The following SOX6 variants were observed in gnomAD, a reference collection of about 807,000 sequenced individuals.
SOX6 encodes SRY-box transcription factor 6.
A neutral mutation model predicts 97.8 loss-of-function variants in SOX6; 11 were observed. That is an observed-to-expected ratio of 0.11 (90% CI 0.07 to 0.19). The LOEUF (loss-of-function observed/expected upper bound fraction) is 0.19, where lower values mean the gene tolerates loss of function less well. Among genes scored for constraint, SOX6 ranks in the 10% least tolerant of loss-of-function variants. The probability of loss-of-function intolerance (pLI) is 1.00; values close to 1 mark genes in which losing one functional copy is unlikely to be tolerated. For synonymous variants in SOX6, 360 were observed against 371.4 expected, an observed-to-expected ratio of 0.97 and a Z score of 0.35; for missense variants, 810 against 1,039.5, an observed-to-expected ratio of 0.78 and a Z score of 3.04.
At chr11:16,687,040 A>G (rs1354699960) in intron 3 of SOX6, among the ~76,000 whole-genome samples, 1 of 152,082 alleles carries the variant, frequency 6.6e-6, no homozygotes, top group Non-Finnish European at 1.5e-5. Flanking sequence ...CACAAGAATC[A>G]CTTGAACGTG....
intron 2 of SOX6, among the ~76,000 whole-genome samples, chr11:16,337,363 A>G (rs1002210976): frequency 2.0e-5 from 3 of 152,170 alleles, no homozygotes; most frequent in East Asian, 1.9e-4. Context: ...TACAGTTACA[A>G]TCTAGCAGAT....
Position 16,680,820 on chromosome 11 carries a change from T to C in SOX6, n.429+34010A>G, listed in dbSNP as rs181731372. 7.7e-3 allele frequency among the ~76,000 whole-genome samples: 1,171 copies of C among 152,294 alleles called. 14 individuals are homozygous for C. Among genetic ancestry groups the C allele is most frequent in the African/African-American group, 0.027 (1,118 of 41,556 alleles). ...CAGGGGCTGCAATCCTAGTCTCTGATAAAACAGACTTTAAACCAACAAAGA... is the reference window on the plus strand; with the variant it reads ...CAGGGGCTGCAATCCTAGTCTCTGACAAAACAGACTTTAAACCAACAAAGA... On this transcript the variant is annotated intron_variant and non_coding_transcript_variant, in intron 3 of 5. Transcript: ENST00000524520.
At chr11:16,658,862 T>C (rs1006641260) in intron 3 of SOX6, among the ~76,000 whole-genome samples, 3 of 152,236 alleles carry the variant, frequency 2.0e-5, no homozygotes, top group African/African-American at 4.8e-5. Flanking sequence ...ATTAAGAGTA[T>C]ATAAGTAGTT....
intron 13 of SOX6, among the ~76,000 whole-genome samples, chr11:16,004,207 T>C (rs1399285415): frequency 1.3e-5 from 2 of 152,018 alleles, no homozygotes; most frequent in Non-Finnish European, 2.9e-5. Flanking sequence ...ATACTCCTCA[T>C]TCCAAATGAG....
Position 16,231,844 on chromosome 11 carries a change from T to C in SOX6, c.535+2738A>G, listed in dbSNP as rs919377446. The stretch of plus-strand genomic sequence containing the variant: ...GATAACTCAATCTCAGGAAAATTCA[T>C]AATATATCATTAAGTGGGGAAAATA... On this transcript the variant is annotated intron_variant, in intron 4 of 15. Transcript: ENST00000683767. Among the ~76,000 whole-genome samples, 6 of 151,792 alleles carry C rather than the reference T, an allele frequency of 4.0e-5. No homozygotes were observed. In the East Asian group the frequency reaches 1.2e-3, roughly 29 times the overall value.
intron 6 of SOX6, among the ~76,000 whole-genome samples, chr11:16,133,449 T>C (rs1344540963): frequency 1.3e-5 from 2 of 152,188 alleles, no homozygotes; most frequent in African/African-American, 4.8e-5. Context: ...TATGCTATCC[T>C]ATAAAGATTT....
chr11:16,322,460 G>A (rs1051147010), intron 2 of SOX6, among the ~76,000 whole-genome samples: 8 of 152,122 alleles, frequency 5.3e-5, no homozygotes, highest in Admixed American at 3.9e-4. Flanking sequence ...GCAGAACCAT[G>A]AGCTATTAAA....
intron 4 of SOX6, among the ~76,000 whole-genome samples, chr11:16,489,769 C>G (rs1438566699): frequency 6.6e-6 from 1 of 151,988 alleles, no homozygotes; most frequent in Admixed American, 6.6e-5. Context: ...TTTTAACTTT[C>G]TTAACTTTTT....
At chr11:16,015,242 G>T in intron 12 of SOX6, 192 bp from the exon 13 acceptor site, 1 of 622,564 alleles carries the variant, frequency 1.6e-6, no homozygotes. Context: ...ACAGCATCTA[G>T]ACCATAGTAC....
At chr11:16,640,944 T>C (rs1848901266) in intron 3 of SOX6, among the ~76,000 whole-genome samples, 2 of 152,202 alleles carry the variant, frequency 1.3e-5, no homozygotes, top group African/African-American at 4.8e-5. Flanking sequence ...TTTCTTGCCT[T>C]CTGCTAGCTT....
At chr11:16,560,717 G>T (rs971415160) in intron 4 of SOX6, among the ~76,000 whole-genome samples, 1 of 152,094 alleles carries the variant, frequency 6.6e-6, no homozygotes, top group African/African-American at 2.4e-5. Flanking sequence ...TGAAAGGACA[G>T]TATGAATTGT....
At chr11:16,669,194 CTTCTCTGACCATAATGGAATAAAAGG>C in intron 3 of SOX6, among the ~76,000 whole-genome samples, 1 of 152,268 alleles carries the variant, frequency 6.6e-6, no homozygotes, top group Admixed American at 6.5e-5. Context: ...TATCAAGTAT[CTTCTCTGACCATAATGGAATAAAAGG>C]AAATCAATAA....
rs982123607 is a variant in SOX6, at chr11:16,594,214, T to C, written n.609+17867A>G. On this transcript the variant is annotated intron_variant and non_coding_transcript_variant, in intron 4 of 5. Transcript: ENST00000524520. Reference sequence around the variant, plus strand: ...CAGGTTGTATATATATGAATATATATACCTCAGAGAAAATAAGCCTGTTAC... The same window carrying C: ...CAGGTTGTATATATATGAATATATACACCTCAGAGAAAATAAGCCTGTTAC... Among the ~76,000 whole-genome samples the C allele has an allele frequency of 3.6e-4, 55 of 152,200 alleles. 1 individual carries two copies. The highest frequency in any genetic ancestry group is 4.3e-4 in the African/African-American group (18 of 41,454).
At chr11:16,598,831 A>G (rs1848239151) in intron 4 of SOX6, among the ~76,000 whole-genome samples, 1 of 152,108 alleles carries the variant, frequency 6.6e-6, no homozygotes, top group South Asian at 2.1e-4. Context: ...TTACATGTGA[A>G]TGGATATATC....
chr11:16,539,743 C>T (rs940682876), intron 4 of SOX6, among the ~76,000 whole-genome samples: 3 of 152,156 alleles, frequency 2.0e-5, no homozygotes, highest in Non-Finnish European at 4.4e-5. Context: ...AATCCCTGGA[C>T]ACATACGCCC....
intron 3 of SOX6, among the ~76,000 whole-genome samples, chr11:16,676,140 T>TA: frequency 6.7e-6 from 1 of 149,988 alleles, no homozygotes; most frequent in Non-Finnish European, 1.5e-5. Context: ...ACTGACCTAT[T>TA]TTCAGTTTCA....
At chr11:16,119,427 C>T (rs1360971050) in intron 6 of SOX6, among the ~76,000 whole-genome samples, 1 of 152,182 alleles carries the variant, frequency 6.6e-6, no homozygotes, top group Non-Finnish European at 1.5e-5. Flanking sequence ...AGTCAACATA[C>T]TGAACTTCTC....
intron 3 of SOX6, among the ~76,000 whole-genome samples, chr11:16,694,796 C>G (rs1386295929): frequency 6.6e-6 from 1 of 151,980 alleles, no homozygotes; most frequent in African/African-American, 2.4e-5. Context: ...GTTCTGCATC[C>G]GTGCACTCAA....
chr11:16,528,548 T>C (rs1861198956), intron 4 of SOX6, among the ~76,000 whole-genome samples: 1 of 152,076 alleles, frequency 6.6e-6, no homozygotes, highest in Admixed American at 6.6e-5. Flanking sequence ...ACTTAACAGA[T>C]GGGATCTGTC....
Sources: gnomAD v4.1 joint callset for allele counts (sites outside exome capture counted in the v4.1 genomes callset) on GRCh38, gnomAD v4.1.1 for gene constraint, MANE v1.5 for transcripts, NCBI Gene and HGNC (gene_info 2026-07-23, HGNC 2026-07-21) for gene names.